HS2ST1: variants seen among roughly 807,000 people sequenced by gnomAD.
The protein encoded by HS2ST1 is heparan sulfate 2-O-sulfotransferase 1.
HS2ST1 carries 18 observed loss-of-function variants against 42.9 expected under a neutral mutation model. The ratio of observed to expected loss-of-function variants is 0.42; its 90% CI spans 0.29 to 0.62. HS2ST1 has a LOEUF of 0.62. Among genes scored for constraint, HS2ST1 ranks in the 20% least tolerant of loss-of-function variants. The probability of loss-of-function intolerance (pLI) is 0.21; values close to 1 mark genes in which losing one functional copy is unlikely to be tolerated. For synonymous variants in HS2ST1, 146 were observed against 152.9 expected, an observed-to-expected ratio of 0.95 and a Z score of 0.33; for missense variants, 334 against 433.8, an observed-to-expected ratio of 0.77 and a Z score of 2.04.
rs115466535 is a variant in HS2ST1 at position 87,013,750 on chromosome 1, G to C, written c.125-59184G>C. On this transcript the variant is annotated intron_variant, in intron 1 of 6. Coordinates refer to ENST00000370550, the MANE Select transcript of HS2ST1 (RefSeq NM_012262.4). ...AGTTCTGATTCCAAACCATATTTTT[G>C]TAAGTACATAAAGCTGAATGCATTT... Among the ~76,000 whole-genome samples, 1,371 of 152,156 alleles carry C rather than the reference G, an allele frequency of 9.0e-3. 22 individuals carry two copies. The highest frequency in any genetic ancestry group is 0.032 in the African/African-American group (1,325 of 41,492).
chr1:87,055,955 AGTACAGAGGTT>A (rs1345934894), intron 1 of HS2ST1, among the ~76,000 whole-genome samples: 1 of 152,214 alleles, frequency 6.6e-6, no homozygotes, highest in Non-Finnish European at 1.5e-5. Context: ...TGCATACCAG[AGTACAGAGGTT>A]GTCTTGAGGT....
At chr1:86,981,640 C>T (rs1648593402) in intron 1 of HS2ST1, among the ~76,000 whole-genome samples, 1 of 152,232 alleles carries the variant, frequency 6.6e-6, no homozygotes, top group South Asian at 2.1e-4. Context: ...TCATTTGATT[C>T]CATGTCTCAC....
At chr1:86,954,895 G>A (rs1205541027) in intron 1 of HS2ST1, among the ~76,000 whole-genome samples, 2 of 152,100 alleles carry the variant, frequency 1.3e-5, no homozygotes, top group East Asian at 3.9e-4. Context: ...CCAGGAGTTT[G>A]AGACCAGCCT....
intron 1 of HS2ST1, among the ~76,000 whole-genome samples, chr1:87,033,232 C>T (rs1238626647): frequency 2.6e-5 from 4 of 152,156 alleles, no homozygotes; most frequent in Non-Finnish European, 5.9e-5. Context: ...TGTACCTTTC[C>T]CCACTGCAGT....
chr1:86,926,288 G>T (rs934877136), intron 1 of HS2ST1, among the ~76,000 whole-genome samples: 3 of 152,126 alleles, frequency 2.0e-5, no homozygotes, highest in Non-Finnish European at 2.9e-5. Context: ...CATATACACT[G>T]AGAGGTACTC....
intron 1 of HS2ST1, among the ~76,000 whole-genome samples, chr1:87,024,437 G>T (rs1650032479): frequency 6.6e-6 from 1 of 151,668 alleles, no homozygotes. Flanking sequence ...GGAGGTGGAG[G>T]CTTCCGTGAG....
At chr1:87,098,209 AGCT>A (rs1270497481) in intron 5 of HS2ST1, 2 of 471,086 alleles carry the variant, frequency 4.2e-6, no homozygotes, top group Non-Finnish European at 5.2e-6. Context: ...ATTCCAGCAG[AGCT>A]CTTAGAGACT....
At chr1:86,989,448 C>A (rs747261122) in intron 1 of HS2ST1, among the ~76,000 whole-genome samples, 90 of 152,148 alleles carry the variant, frequency 5.9e-4, no homozygotes, top group Non-Finnish European at 6.9e-4. Flanking sequence ...TCAACTAGTT[C>A]CTTAAGCTTT....
At chr1:87,069,770 A>G (rs1367492908) in intron 1 of HS2ST1, among the ~76,000 whole-genome samples, 1 of 152,208 alleles carries the variant, frequency 6.6e-6, no homozygotes, top group Non-Finnish European at 1.5e-5. Flanking sequence ...CTACCTTTTC[A>G]TAATTTAAGA....
At chr1:87,067,177 C>T (rs1443530461) in intron 1 of HS2ST1, among the ~76,000 whole-genome samples, 1 of 152,204 alleles carries the variant, frequency 6.6e-6, no homozygotes. Flanking sequence ...AACTAATTTA[C>T]ACTCCCATCA....
chr1:87,036,610 A>G (rs1650381637), intron 1 of HS2ST1, among the ~76,000 whole-genome samples: 1 of 152,178 alleles, frequency 6.6e-6, no homozygotes, highest in East Asian at 1.9e-4. Context: ...TGTGTAGGGA[A>G]AAAATAAAAG....
chr1:87,045,650 C>T (rs1650635025), intron 1 of HS2ST1: 1 of 773,834 alleles, frequency 1.3e-6, no homozygotes, highest in Non-Finnish European at 2.4e-6. Flanking sequence ...TCAATCTTTC[C>T]AATACTGTCA....
intron 1 of HS2ST1, among the ~76,000 whole-genome samples, chr1:86,965,516 G>C (rs1648019136): frequency 6.6e-6 from 1 of 152,000 alleles, no homozygotes; most frequent in Non-Finnish European, 1.5e-5. Context: ...CAATATTTTG[G>C]ATAAACCAGT....
intron 1 of HS2ST1, among the ~76,000 whole-genome samples, chr1:86,986,590 T>G (rs1453901318): frequency 1.3e-5 from 2 of 152,178 alleles, no homozygotes; most frequent in African/African-American, 4.8e-5. Context: ...CATTGCCCAG[T>G]GGTAATCACT....
chr1:86,956,237 G>C (rs1647672737), intron 1 of HS2ST1, among the ~76,000 whole-genome samples: 1 of 152,152 alleles, frequency 6.6e-6, no homozygotes, highest in Non-Finnish European at 1.5e-5. Flanking sequence ...TGATAATATT[G>C]ACTCCTTTTC....
intron 1 of HS2ST1, among the ~76,000 whole-genome samples, chr1:87,020,195 C>G: frequency 6.6e-6 from 1 of 152,146 alleles, no homozygotes; most frequent in South Asian, 2.1e-4. Context: ...ACAAGGAACT[C>G]TGGCCATTTC....
At chr1:87,040,009 T>C (rs536348857) in intron 1 of HS2ST1, among the ~76,000 whole-genome samples, 1 of 152,298 alleles carries the variant, frequency 6.6e-6, no homozygotes, top group South Asian at 2.1e-4. Context: ...TTGTTCTTCT[T>C]ACTATATTAG....
intron 1 of HS2ST1, among the ~76,000 whole-genome samples, chr1:86,974,590 A>G (rs1477057251): frequency 6.6e-6 from 1 of 152,158 alleles, no homozygotes; most frequent in Non-Finnish European, 1.5e-5. Flanking sequence ...GAGGACCCTT[A>G]CTTGGAACTG....
intron 1 of HS2ST1, among the ~76,000 whole-genome samples, chr1:86,967,451 C>G (rs1329372739): frequency 6.6e-6 from 1 of 152,100 alleles, no homozygotes; most frequent in Non-Finnish European, 1.5e-5. Flanking sequence ...ATTCCCCTCC[C>G]CTTCTCCCCC....
Sources: gnomAD v4.1 joint callset for allele counts (sites outside exome capture counted in the v4.1 genomes callset) on GRCh38, gnomAD v4.1.1 for gene constraint, MANE v1.5 for transcripts, NCBI Gene and HGNC (gene_info 2026-07-23, HGNC 2026-07-21) for gene names.